PCDH15: variants seen among roughly 807,000 people sequenced by gnomAD.
PCDH15 encodes the protein protocadherin-15.
In PCDH15, 129 loss-of-function variants were observed where a neutral mutation model predicts 178.5. The ratio of observed to expected loss-of-function variants is 0.72; its 90% CI spans 0.63 to 0.84. The LOEUF (loss-of-function observed/expected upper bound fraction) is 0.84, where lower values mean the gene tolerates loss of function less well. PCDH15 is among the 40% of genes least tolerant of loss of function. PCDH15 has a pLI of 0.00. For missense variants in PCDH15, 2,230 were observed against 2,099.9 expected (o/e 1.06, Z -1.21); for synonymous variants, 800 against 732.0 (o/e 1.09, Z -1.50).
intron 13 of PCDH15, among the ~76,000 whole-genome samples, chr10:54,164,765 A>C (rs2046045544): frequency 6.6e-6 from 1 of 152,208 alleles, no homozygotes; most frequent in Non-Finnish European, 1.5e-5. Context: ...AATGTGTAGC[A>C]AGTGGGTAAC....
chr10:54,839,616 T>C (rs1374363914), intron 3 of PCDH15, among the ~76,000 whole-genome samples: 7 of 151,932 alleles, frequency 4.6e-5, no homozygotes, highest in African/African-American at 1.7e-4. Context: ...ACTGATAACA[T>C]CCCAAATTTT....
At chr10:54,804,822 C>T (rs1952748340), upstream of PCDH15, among the ~76,000 whole-genome samples, 1 of 150,512 alleles carries the variant, frequency 6.6e-6, no homozygotes, top group Admixed American at 6.7e-5. Context: ...TTCATCTGTG[C>T]ACTGGTATTT....
rs529232702 is a variant in PCDH15, at chr10:54,879,263, T to G, written c.-29+18187A>C. 3.7e-4 allele frequency among the ~76,000 whole-genome samples: 57 copies of G among 152,134 alleles called. 1 individual carries two copies. In the East Asian group the frequency reaches 0.01, roughly 27 times the overall value. On this transcript the variant is annotated intron_variant, in intron 3 of 5. Coordinates refer to the PCDH15 transcript ENST00000458638. ...GTTTAGTCTTTATTTAGGTATAATG[T>G]TGGCATTCCTTAGAGATAGTAGTAA...
At chr10:55,051,676 C>T (rs1841166086) in intron 2 of PCDH15, among the ~76,000 whole-genome samples, 1 of 152,142 alleles carries the variant, frequency 6.6e-6, no homozygotes. Context: ...CCGTAACAAT[C>T]ACTGACCACA....
chr10:54,182,900 C>T (rs1271464066), intron 13 of PCDH15, among the ~76,000 whole-genome samples: 2 of 151,796 alleles, frequency 1.3e-5, no homozygotes, highest in Non-Finnish European at 2.9e-5. Flanking sequence ...CTACAAATAG[C>T]TATGTTTACC....
chr10:53,825,816 AACTT>A (rs200685122), intron 32 of PCDH15, among the ~76,000 whole-genome samples: 16 of 151,550 alleles, frequency 1.1e-4, no homozygotes, highest in African/African-American at 2.4e-4. Context: ...AAATATGTAG[AACTT>A]ACTTAAACTA....
chr10:54,412,728 T>C (rs1362384056), intron 3 of PCDH15, among the ~76,000 whole-genome samples: 9 of 152,126 alleles, frequency 5.9e-5, no homozygotes, highest in African/African-American at 2.2e-4. Context: ...TTGTTGCTGT[T>C]GTTTCTTTTT....
chr10:55,600,404 T>C (rs908992749), intron 2 of PCDH15, among the ~76,000 whole-genome samples: 22 of 151,932 alleles, frequency 1.4e-4, no homozygotes, highest in Admixed American at 9.2e-4. Flanking sequence ...TGGAGCATAA[T>C]TCAACCTCCG....
rs2092249849 is a variant in PCDH15 at position 54,003,286 on chromosome 10, GAAGAA to G, written c.2752-7526_2752-7522del. Among the ~76,000 whole-genome samples, 3 of 151,960 alleles carry G rather than the reference GAAGAA, an allele frequency of 2.0e-5. No homozygotes were observed. The South Asian group carries it at 6.2e-4, about 32-fold the overall frequency. Reference sequence around the variant, plus strand: ...GAGCAGAAATAAATGGATTTGAAATGAAGAAAACAATAAAAAGATCAATGAAACAG... The same window carrying G: ...GAGCAGAAATAAATGGATTTGAAATGAACAATAAAAAGATCAATGAAACAG... On this transcript the variant is annotated intron_variant, in intron 20 of 37. Coordinates refer to ENST00000644397, the MANE Select transcript of PCDH15 (RefSeq NM_001384140.1).
chr10:54,962,412 C>T (rs1257979667), intron 2 of PCDH15, among the ~76,000 whole-genome samples: 3 of 151,940 alleles, frequency 2.0e-5, no homozygotes, highest in South Asian at 2.1e-4. Context: ...CATATCTCCC[C>T]CCATTTGCCA....
intron 1 of PCDH15, among the ~76,000 whole-genome samples, chr10:55,308,422 T>C (rs1379756979): frequency 6.6e-6 from 1 of 152,174 alleles, no homozygotes; most frequent in African/African-American, 2.4e-5. Flanking sequence ...GGCAAAGGAA[T>C]AATGCATCAG....
chr10:55,602,214 C>A (rs1473578868), intron 2 of PCDH15, among the ~76,000 whole-genome samples: 1 of 152,190 alleles, frequency 6.6e-6, no homozygotes, highest in Non-Finnish European at 1.5e-5. Context: ...AGATTATACC[C>A]CGCACCTGGC....
intron 25 of PCDH15, among the ~76,000 whole-genome samples, chr10:53,911,317 G>T (rs185830415): frequency 6.6e-6 from 1 of 152,112 alleles, no homozygotes; most frequent in African/African-American, 2.4e-5. Flanking sequence ...ACTCAAAACC[G>T]CATAACTACA....
At chr10:53,859,172 C>T (rs2078948221) in intron 27 of PCDH15, among the ~76,000 whole-genome samples, 1 of 152,034 alleles carries the variant, frequency 6.6e-6, no homozygotes, top group African/African-American at 2.4e-5. Flanking sequence ...ATTCTCTGTT[C>T]CCTGAAGCTC....
At chr10:55,329,814 C>A (rs1425545482) in intron 2 of PCDH15, among the ~76,000 whole-genome samples, 1 of 151,690 alleles carries the variant, frequency 6.6e-6, no homozygotes, top group Non-Finnish European at 1.5e-5. Context: ...AATGAGTCCA[C>A]CTAAGGATTG....
intron 14 of PCDH15, among the ~76,000 whole-genome samples, chr10:54,134,190 T>C (rs976825976): frequency 7.5e-6 from 1 of 133,204 alleles, no homozygotes; most frequent in Admixed American, 7.6e-5. Context: ...ATTACAGGCC[T>C]GTGTCAAAAT....
intron 2 of PCDH15, among the ~76,000 whole-genome samples, chr10:55,399,373 A>C (rs1009211901): frequency 1.3e-5 from 2 of 152,164 alleles, no homozygotes; most frequent in South Asian, 4.1e-4. Flanking sequence ...GAGAACTATA[A>C]AAGCTCAGAA....
At chr10:55,571,225 T>C (rs947903743) in intron 2 of PCDH15, among the ~76,000 whole-genome samples, 1 of 152,026 alleles carries the variant, frequency 6.6e-6, no homozygotes, top group African/African-American at 2.4e-5. Context: ...GGCTCCCACT[T>C]TGCCTTTCAC....
At chr10:55,350,228 C>CATATATATATATATATATAT (rs869240598) in intron 2 of PCDH15, among the ~76,000 whole-genome samples, 14 of 73,426 alleles carry the variant, frequency 1.9e-4, no homozygotes, top group South Asian at 5.1e-4. Context: ...TATATAAACT[C>CATATATATATATATATATAT]ATATATATAT....
Sources: gnomAD v4.1 joint callset for allele counts (sites outside exome capture counted in the v4.1 genomes callset) on GRCh38, gnomAD v4.1.1 for gene constraint, MANE v1.5 for transcripts, NCBI Gene and HGNC (gene_info 2026-07-23, HGNC 2026-07-21) for gene names.